DLGAP1: variants seen among roughly 807,000 people sequenced by gnomAD.
The protein encoded by DLGAP1 is disks large-associated protein 1.
Under a neutral mutation model 90.8 loss-of-function variants are expected in DLGAP1, and 11 were observed. The ratio of observed to expected loss-of-function variants is 0.12; its 90% CI spans 0.08 to 0.20. DLGAP1 has a LOEUF of 0.20. DLGAP1 is among the 10% of genes least tolerant of loss of function. The pLI is 1.00. For missense variants in DLGAP1, 1,050 were observed against 1,333.8 expected, an observed-to-expected ratio of 0.79 and a Z score of 3.31; for synonymous variants, 558 against 540.7, an observed-to-expected ratio of 1.03 and a Z score of -0.44.
At position 4,378,727 on chromosome 18, in the gene DLGAP1, C is replaced by T. The variant is rs527532213; in HGVS notation, c.-267+76279G>A. Among the ~76,000 whole-genome samples, 1 of 152,106 alleles carries T rather than the reference C, an allele frequency of 6.6e-6. No homozygotes were observed. Among genetic ancestry groups the T allele is most frequent in the African/African-American group, 2.4e-5 (1 of 41,420 alleles). On this transcript the variant is annotated intron_variant, in intron 1 of 12. Coordinates refer to ENST00000315677, the MANE Select transcript of DLGAP1 (RefSeq NM_004746.4). The surrounding 1 kb of genome is among the most constrained non-coding windows in gnomAD (Gnocchi z 4.5). ...ACTTTAACTTACTACTTAATCTGAA[C>T]CCATTTTATCTGTTTTTATTTCCAA...
chr18:3,875,472 C>T (rs2070974574), intron 4 of DLGAP1, among the ~76,000 whole-genome samples: 1 of 152,186 alleles, frequency 6.6e-6, no homozygotes, highest in African/African-American at 2.4e-5. Flanking sequence ...ATATACACTG[C>T]TTCCTTCCTC....
intron 1 of DLGAP1, among the ~76,000 whole-genome samples, chr18:4,291,150 T>C (rs1001594411): frequency 1.3e-5 from 2 of 152,244 alleles, no homozygotes; most frequent in Non-Finnish European, 2.9e-5. Context: ...TGATGGTATT[T>C]ATGATGACAT....
chr18:3,737,983 GACAA>G (rs1182123727), intron 6 of DLGAP1, among the ~76,000 whole-genome samples: 5 of 150,410 alleles, frequency 3.3e-5, no homozygotes, highest in African/African-American at 1.2e-4. Flanking sequence ...ACCAACAACA[GACAA>G]ACAGAGAGCC....
intron 1 of DLGAP1, among the ~76,000 whole-genome samples, chr18:4,362,582 G>T (rs941278511): frequency 6.6e-6 from 1 of 152,104 alleles, no homozygotes; most frequent in African/African-American, 2.4e-5. Context: ...GAAGATGTGG[G>T]AAATGGAAAG....
chr18:4,366,996 G>T (rs948521810), intron 1 of DLGAP1, among the ~76,000 whole-genome samples: 1 of 69,790 alleles, frequency 1.4e-5, no homozygotes. Context: ...ATACGGCTCT[G>T]TCAATGGCAA....
intron 5 of DLGAP1, among the ~76,000 whole-genome samples, chr18:3,789,254 C>T (rs2065606659): frequency 6.6e-6 from 1 of 152,128 alleles, no homozygotes. Flanking sequence ...ACTTTAATAA[C>T]CTACTGCAAT....
chr18:3,529,181 T>C (rs1268786675), intron 10 of DLGAP1, among the ~76,000 whole-genome samples: 1 of 152,174 alleles, frequency 6.6e-6, no homozygotes, highest in Non-Finnish European at 1.5e-5. Context: ...AGGGGGCCTA[T>C]AGGAGGTGAG....
chr18:4,200,326 T>C (rs1157968971), intron 1 of DLGAP1, among the ~76,000 whole-genome samples: 3 of 151,940 alleles, frequency 2.0e-5, no homozygotes, highest in Non-Finnish European at 4.4e-5. Flanking sequence ...TTGTAAGTCT[T>C]ACTAAAATGA....
Position 3,731,790 on chromosome 18 carries a change from A to G in DLGAP1, c.1351-2415T>C, listed in dbSNP as rs1355734657. ...TATACACAGATACAGAAAACCATAC[A>G]AAATAAATATAGAACTTAATGAATT... On this transcript the variant is annotated intron_variant, in intron 6 of 12. Coordinates refer to ENST00000315677, the MANE Select transcript of DLGAP1 (RefSeq NM_004746.4). 3.9e-5 allele frequency among the ~76,000 whole-genome samples: 6 copies of G among 152,246 alleles called. No individual in the cohort carries two copies. In the East Asian group the frequency reaches 1.2e-3, roughly 29 times the overall value.
intron 3 of DLGAP1, among the ~76,000 whole-genome samples, chr18:3,960,634 G>A (rs1350424094): frequency 5.3e-5 from 8 of 152,224 alleles, no homozygotes; most frequent in African/African-American, 1.7e-4. Context: ...CAGAGTTTCT[G>A]ATTCTAGACA....
intron 3 of DLGAP1, among the ~76,000 whole-genome samples, chr18:3,906,181 G>A (rs1483811812): frequency 6.6e-6 from 1 of 152,178 alleles, no homozygotes; most frequent in African/African-American, 2.4e-5. Context: ...GAAAAGAACT[G>A]AACTACATCT....
rs374521548 is a variant in DLGAP1 at position 3,587,255 on chromosome 18, A to G, written c.1592-5007T>C. Among the ~76,000 whole-genome samples, 73 of 152,130 alleles carry G rather than the reference A, an allele frequency of 4.8e-4. 1 individual carries two copies. In the South Asian group the frequency reaches 0.012, roughly 25 times the overall value. On this transcript the variant is annotated intron_variant, in intron 7 of 12. Coordinates refer to ENST00000315677, the MANE Select transcript of DLGAP1 (RefSeq NM_004746.4). ...GGTTTAGTAGAGACAGAGTTTCACC[A>G]TGTTGGCCAGGCTAGTCTCAAACCC...
At chr18:3,725,928 A>G (rs975785271) in intron 7 of DLGAP1, among the ~76,000 whole-genome samples, 1 of 152,168 alleles carries the variant, frequency 6.6e-6, no homozygotes, top group South Asian at 2.1e-4. Context: ...ATTTCATTTT[A>G]TGAATACGAA....
chr18:3,978,258 A>G, intron 3 of DLGAP1: 1 of 416,168 alleles, frequency 2.4e-6, no homozygotes, highest in Admixed American at 2.7e-5. Flanking sequence ...GGCAGAGGTG[A>G]TGACCCTTTT....
At chr18:4,298,186 T>C (rs986826046) in intron 1 of DLGAP1, among the ~76,000 whole-genome samples, 4 of 152,290 alleles carry the variant, frequency 2.6e-5, no homozygotes, top group Non-Finnish European at 5.9e-5. Flanking sequence ...GGAACCTGAA[T>C]ATACTAAAAG....
intron 1 of DLGAP1, among the ~76,000 whole-genome samples, chr18:4,219,729 A>G (rs1455958076): frequency 1.3e-5 from 2 of 152,088 alleles, no homozygotes; most frequent in Admixed American, 1.3e-4. Context: ...TTATTCATTG[A>G]AGAGGCTGTC....
At chr18:3,855,618 A>T (rs143398462) in intron 4 of DLGAP1, among the ~76,000 whole-genome samples, 4,324 of 151,996 alleles carry the variant, frequency 0.028, 113 homozygotes, top group African/African-American at 0.067. Flanking sequence ...TTAATTAATT[A>T]ATTTATTTAT....
chr18:3,927,844 A>T (rs1298608714), intron 3 of DLGAP1, among the ~76,000 whole-genome samples: 3 of 152,168 alleles, frequency 2.0e-5, no homozygotes, highest in Non-Finnish European at 4.4e-5. Flanking sequence ...ATAGGTTCCC[A>T]AGGAGCATGA....
At chr18:4,338,151 T>A (rs916531572) in intron 1 of DLGAP1, among the ~76,000 whole-genome samples, 1 of 152,140 alleles carries the variant, frequency 6.6e-6, no homozygotes, top group African/African-American at 2.4e-5. Context: ...AAACTGTACA[T>A]CTATTTTCCA....
Sources: gnomAD v4.1 joint callset for allele counts (sites outside exome capture counted in the v4.1 genomes callset) on GRCh38, gnomAD v4.1.1 for gene constraint, Gnocchi (gnomAD v3.1) non-coding constraint, MANE v1.5 for transcripts, NCBI Gene and HGNC (gene_info 2026-07-23, HGNC 2026-07-21) for gene names.